The following HMGN3 variants were observed in gnomAD, a reference collection of about 807,000 sequenced individuals.
HMGN3 encodes high mobility group nucleosome-binding domain-containing protein 3.
HMGN3 carries 6 observed loss-of-function variants against 18.8 expected under a neutral mutation model. That is an observed-to-expected ratio of 0.32 (90% CI 0.18 to 0.63). The LOEUF is 0.63. Among genes scored for constraint, HMGN3 ranks in the 30% least tolerant of loss-of-function variants. The pLI, the probability that HMGN3 is intolerant of heterozygous loss-of-function variation, is 0.79. For missense variants in HMGN3, 107 were observed against 114.2 expected (o/e 0.94, Z 0.29); for synonymous variants, 40 against 36.5 (o/e 1.10, Z -0.35).
intron 2 of HMGN3, among the ~76,000 whole-genome samples, 189 bp downstream of exon 2, chr6:79,214,783 A>G (rs1776888039): frequency 6.6e-6 from 1 of 152,160 alleles, no homozygotes; most frequent in South Asian, 2.1e-4. Context: ...CCCAACTGAA[A>G]CACACCTAGG....
rs118160987 is a variant in HMGN3 at position 79,212,762 on chromosome 6, T to C, written c.66+2210A>G. 1.2e-3 allele frequency among the ~76,000 whole-genome samples: 177 copies of C among 152,342 alleles called. 4 individuals are homozygous for C. The East Asian group carries it at 0.031, about 27-fold the overall frequency. Reference sequence around the variant, plus strand: ...AGAATCCCCCTTAGTAACTGTTATCTATTCACTAAAGTCAAGGTGGTGCAT... The same window carrying C: ...AGAATCCCCCTTAGTAACTGTTATCCATTCACTAAAGTCAAGGTGGTGCAT... On this transcript the variant is annotated intron_variant, in intron 2 of 5. Transcript: ENST00000344726.
At chr6:79,215,754 T>C (rs1561993318) in intron 1 of HMGN3, among the ~76,000 whole-genome samples, 1 of 152,232 alleles carries the variant, frequency 6.6e-6, no homozygotes, top group African/African-American at 2.4e-5. Context: ...TAAAGTAAAA[T>C]GTACTTTGGA....
chr6:79,203,661 T>TA, intron 3 of HMGN3, 31 bp from the exon 4 acceptor site: 4 of 1,355,320 alleles, frequency 3.0e-6, no homozygotes, highest in Non-Finnish European at 3.9e-6. Flanking sequence ...ACACAAATAC[T>TA]GAAAAAAAAA....
intron 1 of HMGN3, among the ~76,000 whole-genome samples, chr6:79,216,895 A>G (rs140965330): frequency 7.9e-5 from 12 of 152,290 alleles, no homozygotes; most frequent in African/African-American, 2.6e-4. Flanking sequence ...AGTAGATTTC[A>G]GTCTAGGGTA....
chr6:79,208,543 T>A lies in HMGN3; in HGVS notation c.96+4A>T. 1 of 1,608,834 alleles carries A rather than the reference T, an allele frequency of 6.2e-7. No individual in the cohort carries two copies. The highest frequency in any genetic ancestry group is 8.5e-7 in the Non-Finnish European group (1 of 1,175,088). Reference sequence around the variant, plus strand: ...TAACACTGAAGTGGTTCTAAGGTACTTACCGCTGACAATCTGGCAGACCGT... The same window carrying A: ...TAACACTGAAGTGGTTCTAAGGTACATACCGCTGACAATCTGGCAGACCGT... On this transcript the variant is annotated splice_donor_region_variant and intron_variant, in intron 3 of 5. Coordinates refer to ENST00000344726, the Ensembl canonical transcript of HMGN3.
At chr6:79,232,526 T>C (rs934377130) in intron 1 of HMGN3, among the ~76,000 whole-genome samples, 1 of 152,072 alleles carries the variant, frequency 6.6e-6, no homozygotes, top group African/African-American at 2.4e-5. Context: ...CTCAGGACCA[T>C]TGGCTAGCTT....
At chr6:79,208,869 C>A (rs749613164) in intron 2 of HMGN3, among the ~76,000 whole-genome samples, 10 of 152,062 alleles carry the variant, frequency 6.6e-5, no homozygotes, top group Non-Finnish European at 1.3e-4. Flanking sequence ...AGGCTTTATC[C>A]CAAATTAAAA....
intron 1 of HMGN3, among the ~76,000 whole-genome samples, chr6:79,230,161 T>C (rs1278221799): frequency 6.6e-6 from 1 of 152,150 alleles, no homozygotes; most frequent in African/African-American, 2.4e-5. Context: ...AAAAACATCA[T>C]GCTGAGTGAA....
intron 1 of HMGN3, among the ~76,000 whole-genome samples, chr6:79,222,739 A>G (rs1432131344): frequency 6.6e-6 from 1 of 152,222 alleles, no homozygotes; most frequent in Non-Finnish European, 1.5e-5. Context: ...CTTACGTTAA[A>G]TTTATTTTCC....
At chr6:79,224,404 A>G (rs1022714427) in intron 1 of HMGN3, among the ~76,000 whole-genome samples, 2 of 152,220 alleles carry the variant, frequency 1.3e-5, no homozygotes, top group African/African-American at 4.8e-5. Flanking sequence ...TATGTAAAGG[A>G]GTGCTTCCTA....
chr6:79,207,694 T>C (rs934888361), intron 3 of HMGN3, among the ~76,000 whole-genome samples: 3 of 152,204 alleles, frequency 2.0e-5, no homozygotes, highest in Non-Finnish European at 4.4e-5. Context: ...TAATACCCAT[T>C]TTTGCTTTGA....
intron 1 of HMGN3, among the ~76,000 whole-genome samples, chr6:79,225,110 GTTT>G (rs1268871982): frequency 1.3e-5 from 2 of 152,106 alleles, no homozygotes; most frequent in African/African-American, 2.4e-5. Context: ...TCTTTGGTAC[GTTT>G]TCTCCCATAT....
At chr6:79,214,222 G>C (rs1401815061) in intron 2 of HMGN3, among the ~76,000 whole-genome samples, 1 of 132,438 alleles carries the variant, frequency 7.6e-6, no homozygotes, top group Non-Finnish European at 1.6e-5. Flanking sequence ...TTTTTTTTTA[G>C]AGTCTCTCTC....
chr6:79,220,725 G>A (rs1777237744), intron 1 of HMGN3, among the ~76,000 whole-genome samples: 1 of 152,176 alleles, frequency 6.6e-6, no homozygotes, highest in African/African-American at 2.4e-5. Context: ...GAGATTACAG[G>A]TGTGAGCCAC....
At chr6:79,217,114 GA>G (rs1185768319) in intron 1 of HMGN3, among the ~76,000 whole-genome samples, 3 of 152,140 alleles carry the variant, frequency 2.0e-5, no homozygotes, top group African/African-American at 7.2e-5. Flanking sequence ...GGCACTGCAT[GA>G]AAAAAGCAGG....
At chr6:79,212,256 G>C (rs564394429) in intron 2 of HMGN3, among the ~76,000 whole-genome samples, 75 of 152,250 alleles carry the variant, frequency 4.9e-4, no homozygotes, top group African/African-American at 1.8e-3. Context: ...CTATTTACAA[G>C]TTCTAACACC....
intron 1 of HMGN3, among the ~76,000 whole-genome samples, chr6:79,224,522 G>T (rs1777466053): frequency 6.6e-6 from 1 of 152,134 alleles, no homozygotes; most frequent in Non-Finnish European, 1.5e-5. Context: ...TTTTTAAAAA[G>T]TCATACGCAC....
chr6:79,221,112 T>C (rs921593985), intron 1 of HMGN3, among the ~76,000 whole-genome samples: 2 of 152,192 alleles, frequency 1.3e-5, no homozygotes, highest in African/African-American at 4.8e-5. Context: ...GCAAACCTAC[T>C]CTATTAAAAA....
Position 79,208,547 on chromosome 6 carries a change from C to T in HMGN3, c.96G>A (p.Ala32=), listed in dbSNP as rs765210736. The T allele has an allele frequency of 2.3e-5, 37 of 1,609,076 alleles. No homozygotes were observed. The Admixed American group carries it at 3.0e-4, about 13-fold the overall frequency. The change falls in exon 3 of 6, where the codon GCG becomes GCA. Residue 32 remains alanine, a splice_region_variant and synonymous_variant. Coordinates refer to ENST00000344726, the Ensembl canonical transcript of HMGN3. ...ACTGAAGTGGTTCTAAGGTACTTAC[C>T]GCTGACAATCTGGCAGACCGTCTTG...
Sources: allele counts gnomAD v4.1 joint callset (sites outside exome capture counted in the v4.1 genomes callset), GRCh38; gene constraint gnomAD v4.1.1; transcripts MANE v1.5; gene names NCBI Gene and HGNC (gene_info 2026-07-23, HGNC 2026-07-21).